Variants in RNLS observed in about 807,000 individuals in gnomAD.
RNLS encodes renalase, FAD dependent amine oxidase.
In RNLS, 39 loss-of-function variants were observed where a neutral mutation model predicts 39.8. That is an observed-to-expected ratio of 0.98 (90% confidence interval 0.76 to 1.28). RNLS has a LOEUF of 1.28. Ranked by LOEUF, RNLS falls within the 50% of genes most tolerant of loss-of-function variation. The probability of loss-of-function intolerance (pLI) is 0.00; values close to 1 mark genes in which losing one functional copy is unlikely to be tolerated. For missense variants in RNLS, 410 were observed against 413.3 expected (o/e 0.99, Z 0.07); for synonymous variants, 147 against 150.7 (o/e 0.98, Z 0.18).
chr10:88,463,162 C>T (rs1589835926), intron 4 of RNLS, among the ~76,000 whole-genome samples: 1 of 151,894 alleles, frequency 6.6e-6, no homozygotes, highest in African/African-American at 2.4e-5. Flanking sequence ...CATAATATGA[C>T]CTTATTTGGA....
At chr10:88,283,623 G>A (rs752948376), downstream of RNLS, among the ~76,000 whole-genome samples, 8 of 152,090 alleles carry the variant, frequency 5.3e-5, no homozygotes, top group African/African-American at 1.9e-4. Flanking sequence ...GGAATATGAT[G>A]CACCCATAAA....
chr10:88,222,689 G>A, the RNLS span, among the ~76,000 whole-genome samples: 1 of 93,314 alleles, frequency 1.1e-5, no homozygotes, highest in Admixed American at 1.1e-4. Flanking sequence ...AAATCACCAT[G>A]AGAGGTAAGT....
the RNLS span, among the ~76,000 whole-genome samples, chr10:88,186,822 A>G: frequency 6.6e-6 from 1 of 152,072 alleles, no homozygotes; most frequent in Non-Finnish European, 1.5e-5. Flanking sequence ...TTTTTGGGGA[A>G]TGGTAGGGGC....
the RNLS span, among the ~76,000 whole-genome samples, chr10:88,243,676 T>C: frequency 6.6e-6 from 1 of 152,226 alleles, no homozygotes; most frequent in Admixed American, 6.5e-5. Flanking sequence ...CAAGCCCAAA[T>C]GTTCAGCCTA....
At chr10:88,506,058 G>A (rs989750798) in intron 4 of RNLS, among the ~76,000 whole-genome samples, 1 of 152,058 alleles carries the variant, frequency 6.6e-6, no homozygotes, top group African/African-American at 2.4e-5. Flanking sequence ...CCCTCTAGAT[G>A]GCTCTGAAAT....
At chr10:88,237,510 G>A in the RNLS span, among the ~76,000 whole-genome samples, 12 of 152,004 alleles carry the variant, frequency 7.9e-5, no homozygotes, top group African/African-American at 2.9e-4. Context: ...TAATATTTGC[G>A]GTGATAATAT....
At chr10:88,473,190 A>T (rs1843641531) in intron 4 of RNLS, among the ~76,000 whole-genome samples, 1 of 152,216 alleles carries the variant, frequency 6.6e-6, no homozygotes, top group African/African-American at 2.4e-5. Context: ...ATATCGTAGG[A>T]TAATCTTATA....
chr10:88,178,416 C>CAGTAT, the RNLS span, among the ~76,000 whole-genome samples: 5,143 of 152,242 alleles, frequency 0.034, 89 homozygotes, highest in African/African-American at 0.05. Flanking sequence ...GGTAGCTCCC[C>CAGTAT]AGTATACTGG....
At chr10:88,386,886 T>A (rs1259719299) in intron 4 of RNLS, among the ~76,000 whole-genome samples, 2 of 152,240 alleles carry the variant, frequency 1.3e-5, no homozygotes, top group African/African-American at 4.8e-5. Flanking sequence ...TGGAAGTACT[T>A]TAAAATATTT....
chr10:88,273,477 C>CA (rs1842707501), downstream of RNLS, among the ~76,000 whole-genome samples: 2 of 152,072 alleles, frequency 1.3e-5, no homozygotes, highest in South Asian at 2.1e-4. Flanking sequence ...CATTATATCA[C>CA]AAAAAATATC....
chr10:88,229,513 G>T, the RNLS span, among the ~76,000 whole-genome samples: 4 of 152,184 alleles, frequency 2.6e-5, no homozygotes, highest in Non-Finnish European at 4.4e-5. Flanking sequence ...GCTTCATTGA[G>T]ATACAGTTTA....
intron 4 of RNLS, among the ~76,000 whole-genome samples, chr10:88,416,801 A>C (rs1051445184): frequency 6.6e-6 from 1 of 152,222 alleles, no homozygotes; most frequent in African/African-American, 2.4e-5. Context: ...CAAATATCCT[A>C]TTGTCTTTTT....
chr10:88,382,173 A>AT (rs1851564647), intron 4 of RNLS, among the ~76,000 whole-genome samples: 1 of 152,098 alleles, frequency 6.6e-6, no homozygotes, highest in Non-Finnish European at 1.5e-5. Flanking sequence ...GTGACATCTT[A>AT]TTTTTTAAAC....
the RNLS span, among the ~76,000 whole-genome samples, chr10:88,266,214 A>G: frequency 2.0e-5 from 3 of 152,090 alleles, no homozygotes; most frequent in South Asian, 6.2e-4. Flanking sequence ...AGGCTCACCC[A>G]CTCTAATAAC....
At chr10:88,323,525 T>C (rs1220642833) in intron 5 of RNLS, among the ~76,000 whole-genome samples, 1 of 152,042 alleles carries the variant, frequency 6.6e-6, no homozygotes, top group East Asian at 1.9e-4. Flanking sequence ...TTCAGTAAAT[T>C]ATGTGGGGGA....
the RNLS span, among the ~76,000 whole-genome samples, chr10:88,245,178 A>G: frequency 6.6e-6 from 1 of 152,260 alleles, no homozygotes; most frequent in Non-Finnish European, 1.5e-5. Flanking sequence ...ACTTTTGTGA[A>G]GAGCACTGAA....
chr10:88,324,427 CAAAA>C (rs57362184), intron 5 of RNLS, among the ~76,000 whole-genome samples: 2 of 78,642 alleles, frequency 2.5e-5, no homozygotes, highest in African/African-American at 4.6e-5. Context: ...GTGTCCTTTG[CAAAA>C]AAAAAAAAAA....
At chr10:88,177,047 A>G in the RNLS span, among the ~76,000 whole-genome samples, 1 of 152,160 alleles carries the variant, frequency 6.6e-6, no homozygotes, top group Non-Finnish European at 1.5e-5. Flanking sequence ...CTTAGCTATA[A>G]TATGTCTCAG....
At chr10:88,560,941 AACAC>A (rs35709088) in intron 4 of RNLS, among the ~76,000 whole-genome samples, 2,494 of 145,006 alleles carry the variant, frequency 0.017, 42 homozygotes, top group African/African-American at 0.041. Context: ...GTTCAGAGAT[AACAC>A]ACACACACAC....
Sources: allele counts gnomAD v4.1 joint callset (sites outside exome capture counted in the v4.1 genomes callset), GRCh38; gene constraint gnomAD v4.1.1; transcripts MANE v1.5; gene names NCBI Gene and HGNC (gene_info 2026-07-23, HGNC 2026-07-21).